Variants in DIP2C observed in about 807,000 individuals in gnomAD.
DIP2C encodes DIP2 acetate--CoA ligase C (putative), also known as disco-interacting protein 2 homolog C.
A neutral mutation model predicts 192.4 loss-of-function variants in DIP2C; 33 were observed. That is an observed-to-expected ratio of 0.17 (90% CI 0.13 to 0.23). DIP2C has a LOEUF of 0.23. Ranked by LOEUF, DIP2C falls within the 10% of genes least tolerant of loss-of-function variation. The probability of loss-of-function intolerance (pLI) is 1.00; values close to 1 mark genes in which losing one functional copy is unlikely to be tolerated. For missense variants in DIP2C, 1,537 were observed against 2,110.1 expected (o/e 0.73, Z 5.32); for synonymous variants, 979 against 864.1 (o/e 1.13, Z -2.33).
chr10:518,300 TTA>T (rs1846490782), intron 1 of DIP2C, among the ~76,000 whole-genome samples: 1 of 152,238 alleles, frequency 6.6e-6, no homozygotes, highest in Admixed American at 6.5e-5. Context: ...CCAGGATAGC[TTA>T]TGAGTACAAC....
chr10:586,771 C>G (rs928598024), intron 1 of DIP2C, among the ~76,000 whole-genome samples: 1 of 152,086 alleles, frequency 6.6e-6, no homozygotes, highest in African/African-American at 2.4e-5. Context: ...TTCTGGATCT[C>G]AGATAGATAA....
chr10:633,127 A>G (rs1854621539), intron 1 of DIP2C, among the ~76,000 whole-genome samples: 2 of 152,244 alleles, frequency 1.3e-5, no homozygotes, highest in Non-Finnish European at 2.9e-5. Flanking sequence ...TCAATTTTTT[A>G]ATGATTTCTT....
intron 17 of DIP2C, among the ~76,000 whole-genome samples, chr10:376,973 A>G (rs1026216249): frequency 2.6e-5 from 4 of 152,204 alleles, no homozygotes; most frequent in African/African-American, 9.6e-5. Flanking sequence ...GAAAAGATAC[A>G]ATGTAAAAGC....
At chr10:397,068 C>T (rs1183547065) in intron 10 of DIP2C, among the ~76,000 whole-genome samples, 2 of 152,242 alleles carry the variant, frequency 1.3e-5, no homozygotes, top group Non-Finnish European at 2.9e-5. Flanking sequence ...GTAACTGGCA[C>T]AGACTCTGAA....
intron 31 of DIP2C, among the ~76,000 whole-genome samples, chr10:315,313 TTTCAGTATTCTTCATTTC>T (rs983858568): frequency 6.6e-6 from 1 of 152,200 alleles, no homozygotes; most frequent in Non-Finnish European, 1.5e-5. Context: ...TATTTACTCT[TTTCAGTATTCTTCATTTC>T]TTCTTAAAAA....
chr10:559,791 C>T (rs963675300), intron 1 of DIP2C, among the ~76,000 whole-genome samples: 4 of 152,340 alleles, frequency 2.6e-5, no homozygotes, highest in South Asian at 4.1e-4. Context: ...CCCATGGCCC[C>T]GGCCTGGCAG....
At chr10:390,567 C>T (rs897607578) in intron 11 of DIP2C, among the ~76,000 whole-genome samples, 173 bp downstream of exon 11, 6 of 151,680 alleles carry the variant, frequency 4.0e-5, no homozygotes, top group Non-Finnish European at 7.4e-5. Flanking sequence ...CGTCACCCCA[C>T]GGGCTGGCAA....
chr10:588,164 C>T (rs1349206809), intron 1 of DIP2C, among the ~76,000 whole-genome samples: 1 of 97,500 alleles, frequency 1.0e-5, no homozygotes, highest in African/African-American at 4.6e-5. Flanking sequence ...CAGGCACTGC[C>T]TCAGCCCTGA....
chr10:407,333 T>TA (rs1412619267), intron 9 of DIP2C, among the ~76,000 whole-genome samples: 2 of 152,212 alleles, frequency 1.3e-5, no homozygotes, highest in Non-Finnish European at 2.9e-5. Flanking sequence ...AATCCACATC[T>TA]AGTCCGTGGA....
At chr10:512,103 G>A (rs1392496492) in intron 1 of DIP2C, among the ~76,000 whole-genome samples, 2 of 152,224 alleles carry the variant, frequency 1.3e-5, no homozygotes, top group Non-Finnish European at 2.9e-5. Context: ...CCTGCTCTTT[G>A]TAAATGTCAA....
At chr10:382,569 T>G in intron 17 of DIP2C, 78 bp downstream of exon 17, 1 of 1,156,046 alleles carries the variant, frequency 8.7e-7, no homozygotes, top group Non-Finnish European at 1.3e-6. Context: ...CATCAACTGT[T>G]AGGATTTCCT....
intron 9 of DIP2C, among the ~76,000 whole-genome samples, chr10:407,206 G>T (rs971653920): frequency 6.6e-6 from 1 of 152,206 alleles, no homozygotes; most frequent in African/African-American, 2.4e-5. Context: ...GGGTAGTTAC[G>T]CTCGCAGGAA....
At chr10:425,849 A>C (rs984765410) in intron 4 of DIP2C, among the ~76,000 whole-genome samples, 2 of 152,256 alleles carry the variant, frequency 1.3e-5, no homozygotes, top group African/African-American at 4.8e-5. Flanking sequence ...AAAATCAGGA[A>C]TAGAAGGCAA....
rs192987449 is a variant in DIP2C at position 611,176 on chromosome 10, G to C, written c.85+78318C>G. On this transcript the variant is annotated intron_variant, in intron 1 of 36. Coordinates refer to ENST00000280886, the MANE Select transcript of DIP2C (RefSeq NM_014974.3). ...TAGTTCTCATGAGATCTGGTTGTTT[G>C]AAAGTGCATGGCACCTTCCCCTTCA... Among the ~76,000 whole-genome samples the C allele has an allele frequency of 2.4e-4, 35 of 143,316 alleles. No individual in the cohort carries two copies. In the East Asian group the frequency reaches 7.5e-3, roughly 31 times the overall value. The allele number at this position is 143,316 out of a possible 152,430, so 94.0% of individuals were successfully genotyped here. A position where few individuals can be genotyped will look rare whatever the true frequency, so the allele number is the denominator to read the frequency against.
In DIP2C at chr10:413,808, C is replaced by T. The variant is rs146765402; in HGVS notation, c.1057+105G>A. ...TGGGCAAAGGGCAGAGGGTTAGCCT[C>T]GGGATTACCTTAAGTGAGGATGTAA... On this transcript the variant is annotated intron_variant, in intron 8 of 36. Transcript: ENST00000280886. 1.8e-3 allele frequency: 2,459 copies of T among 1,400,114 alleles called. 5 individuals carry two copies. Among genetic ancestry groups the T allele is most frequent in the Non-Finnish European group, 2.2e-3 (2,218 of 1,030,830 alleles). 86.7% of individuals were successfully genotyped at this position (1,400,114 alleles called of 1,614,324 possible). A position where few individuals can be genotyped will look rare whatever the true frequency, so the allele number is the denominator to read the frequency against.
chr10:354,434 C>CCCAAATCAGGCACAG (rs1368452041), intron 24 of DIP2C, among the ~76,000 whole-genome samples: 3 of 152,160 alleles, frequency 2.0e-5, no homozygotes, highest in Non-Finnish European at 4.4e-5. Flanking sequence ...AGGGATCTTC[C>CCCAAATCAGGCACAG]CCAAATCAGG....
At position 303,259 on chromosome 10, in the gene DIP2C, C is replaced by T. The variant is rs143905131; in HGVS notation, c.3986+6772G>A. Among the ~76,000 whole-genome samples, 522 of 151,910 alleles carry T rather than the reference C, an allele frequency of 3.4e-3. 1 individual carries two copies. Among genetic ancestry groups the T allele is most frequent in the Middle Eastern group, 0.01 (3 of 294 alleles). On this transcript the variant is annotated intron_variant, in intron 32 of 36. Transcript: ENST00000280886. The stretch of plus-strand genomic sequence containing the variant: ...CGAGCTAAGACATCACTGCATGAGG[C>T]TGTAGATTGATCAACACTGCACTTG...
intron 18 of DIP2C, among the ~76,000 whole-genome samples, chr10:369,067 A>T (rs1237209206): frequency 6.6e-6 from 1 of 152,228 alleles, no homozygotes; most frequent in Non-Finnish European, 1.5e-5. Flanking sequence ...AACAGGTTTC[A>T]TGGTCACACA....
chr10:624,910 C>T (rs994216303), intron 1 of DIP2C, among the ~76,000 whole-genome samples: 1 of 152,118 alleles, frequency 6.6e-6, no homozygotes, highest in Non-Finnish European at 1.5e-5. Context: ...GAGGGGTGGG[C>T]CCCACGAGCA....
Sources: allele counts gnomAD v4.1 joint callset (sites outside exome capture counted in the v4.1 genomes callset), GRCh38; gene constraint gnomAD v4.1.1; transcripts MANE v1.5; gene names NCBI Gene and HGNC (gene_info 2026-07-23, HGNC 2026-07-21).